CTTNBP2NL: variants seen among roughly 807,000 people sequenced by gnomAD.
The protein encoded by CTTNBP2NL is CTTNBP2 N-terminal like.
Under a neutral mutation model 32.5 loss-of-function variants are expected in CTTNBP2NL, and 16 were observed. That is an observed-to-expected ratio of 0.49 (90% CI 0.33 to 0.75). The LOEUF is 0.75. Ranked by LOEUF, CTTNBP2NL falls within the 30% of genes least tolerant of loss-of-function variation. The pLI, the probability that CTTNBP2NL is intolerant of heterozygous loss-of-function variation, is 0.02. For missense variants in CTTNBP2NL, 645 were observed against 756.0 expected, an observed-to-expected ratio of 0.85 and a Z score of 1.72; for synonymous variants, 298 against 289.4, an observed-to-expected ratio of 1.03 and a Z score of -0.30.
At chr1:112,395,369 T>C (rs1648288681), upstream of CTTNBP2NL, among the ~76,000 whole-genome samples, 1 of 152,212 alleles carries the variant, frequency 6.6e-6, no homozygotes, top group Admixed American at 6.5e-5. Context: ...CTCTGAGTTA[T>C]TTGGTCCTGC....
rs541773359 is a variant in CTTNBP2NL, at chr1:112,422,079, C to T, written c.99+5815C>T. On this transcript the variant is annotated intron_variant, in intron 3 of 5. Transcript: ENST00000271277. The stretch of plus-strand genomic sequence containing the variant: ...CCATTATCACAATCAAGATAACAAA[C>T]ATATCCATTGCTCCCCAAAATTTTT... 3.9e-5 allele frequency among the ~76,000 whole-genome samples: 6 copies of T among 152,148 alleles called. No individual in the cohort carries two copies. The South Asian group carries it at 8.3e-4, about 21-fold the overall frequency.
Position 112,456,247 on chromosome 1 carries a change from A to G in CTTNBP2NL, c.755A>G (p.Lys252Arg). The change falls in exon 6 of 6, where the codon AAA becomes AGA. Residue 252 changes from lysine to arginine, a missense_variant. Physicochemically the swap from Lys to Arg is conservative, Grantham distance 26 (BLOSUM62 2). Transcript: ENST00000271277. Reference sequence around the variant, plus strand: ...ATCGAAAGGGAACAACTGAGAGCAAAACTGAACCGAGAAGAGAACCGGACC... The same window carrying G: ...ATCGAAAGGGAACAACTGAGAGCAAGACTGAACCGAGAAGAGAACCGGACC... ...FDIEREQLRA[K>R]LNREENRTKT... The G allele has an allele frequency of 1.2e-6, 2 of 1,614,166 alleles. No individual in the cohort carries two copies. Among genetic ancestry groups the G allele is most frequent in the Non-Finnish European group, 1.7e-6 (2 of 1,180,036 alleles).
chr1:112,396,655 C>G (rs1648339803), intron 1 of CTTNBP2NL: 1 of 151,916 alleles, frequency 6.6e-6, no homozygotes, highest in African/African-American at 2.4e-5. Context: ...TCCCTCCCTA[C>G]ACCTGTCCCT....
Position 112,456,951 on chromosome 1 carries a change from T to G in CTTNBP2NL, c.1459T>G (p.Leu487Val). The change falls in exon 6 of 6, where the codon TTA becomes GTA. Residue 487 changes from leucine (L) to valine (V), a missense_variant. By Grantham distance (32) the Leu-to-Val change is conservative (BLOSUM62 1). Transcript: ENST00000271277. Reference protein sequence around the residue: ...SGLQSPPSRDLSPTLIDNSAA... With the variant: ...SGLQSPPSRDVSPTLIDNSAA... ...CCTACAGAGCCCTCCATCCAGGGAT[T>G]TATCCCCCACCCTCATAGACAACTC... 3.7e-6 allele frequency: 6 copies of G among 1,613,970 alleles called. No individual in the cohort carries two copies. Among genetic ancestry groups the G allele is most frequent in the Non-Finnish European group, 5.1e-6 (6 of 1,180,002 alleles).
At chr1:112,433,255 G>GTGT (rs1553225724) in intron 3 of CTTNBP2NL, among the ~76,000 whole-genome samples, 1 of 151,312 alleles carries the variant, frequency 6.6e-6, no homozygotes, top group African/African-American at 2.4e-5. Flanking sequence ...TTTGTGTGGG[G>GTGT]GTGTGTGTGT....
intron 4 of CTTNBP2NL, among the ~76,000 whole-genome samples, chr1:112,449,390 G>A (rs1054867239): frequency 3.3e-4 from 14 of 42,112 alleles, no homozygotes; most frequent in African/African-American, 6.5e-4. Flanking sequence ...CGTTATTTAA[G>A]ACAGCATTTC....
chr1:112,438,371 TAG>T (rs1427973214), intron 3 of CTTNBP2NL, among the ~76,000 whole-genome samples: 3 of 152,190 alleles, frequency 2.0e-5, no homozygotes, highest in African/African-American at 7.2e-5. Context: ...GTAGGAATGC[TAG>T]TGATTTTTGT....
chr1:112,436,179 T>C (rs1176976565), intron 3 of CTTNBP2NL, among the ~76,000 whole-genome samples: 1 of 152,094 alleles, frequency 6.6e-6, no homozygotes, highest in African/African-American at 2.4e-5. Context: ...AAGTGGTAAC[T>C]TTGAGTTCTT....
intron 3 of CTTNBP2NL, among the ~76,000 whole-genome samples, chr1:112,423,595 G>A (rs547780536): frequency 1.4e-4 from 21 of 152,248 alleles, no homozygotes; most frequent in African/African-American, 4.8e-4. Flanking sequence ...AGATACTTAA[G>A]TGTGTCTCAT....
Position 112,459,371 on chromosome 1 carries a change from C to T in CTTNBP2NL, c.*1959C>T, listed in dbSNP as rs1650477782. On this transcript the variant is annotated 3_prime_UTR_variant, in exon 6 of 6. Coordinates refer to ENST00000271277, the MANE Select transcript of CTTNBP2NL (RefSeq NM_018704.3). ...TGATTTTGTGTCCATACAGGAGAGG[C>T]CTTGGTGTCTTCACATACATTCTCT... is the stretch of plus-strand genomic sequence containing the variant. 1 of 152,176 alleles carries T rather than the reference C, an allele frequency of 6.6e-6. No homozygotes were observed. The highest frequency in any genetic ancestry group is 2.4e-5 in the African/African-American group (1 of 41,426). 9.4% of individuals were successfully genotyped at this position (152,176 alleles called of 1,614,324 possible). A position where few individuals can be genotyped will look rare whatever the true frequency, so the allele number is the denominator to read the frequency against.
chr1:112,456,700 C>T lies in CTTNBP2NL; in HGVS notation c.1208C>T (p.Pro403Leu). 1 of 1,614,060 alleles carries T rather than the reference C, an allele frequency of 6.2e-7. No homozygotes were observed. Among genetic ancestry groups the T allele is most frequent in the African/African-American group, 1.3e-5 (1 of 75,006 alleles). The change falls in exon 6 of 6, where the codon CCC (proline) becomes CTC (leucine). Residue 403 changes from proline to leucine, a missense_variant. Transcript: ENST00000271277. ...GGGATTGAGACTCCAGTCCCAATGC[C>T]CAGTCCCCTCTCTTCCAGTGGGAGC... is the stretch of plus-strand genomic sequence containing the variant. Reference protein sequence around the residue: ...PVGIETPVPMPSPLSSSGSSL... With the variant: ...PVGIETPVPMLSPLSSSGSSL...
At chr1:112,438,425 A>C (rs1649801787) in intron 3 of CTTNBP2NL, among the ~76,000 whole-genome samples, 1 of 152,174 alleles carries the variant, frequency 6.6e-6, no homozygotes. Context: ...GTTGTTTATC[A>C]GCTGAAGGAA....
At chr1:112,448,407 T>C (rs544987214) in intron 3 of CTTNBP2NL, among the ~76,000 whole-genome samples, 4 of 152,344 alleles carry the variant, frequency 2.6e-5, no homozygotes, top group Non-Finnish European at 5.9e-5. Context: ...GGCATTTTGT[T>C]AGGTCTCTAA....
intron 3 of CTTNBP2NL, among the ~76,000 whole-genome samples, chr1:112,424,903 A>G (rs1207636653): frequency 1.3e-5 from 2 of 151,902 alleles, no homozygotes; most frequent in Non-Finnish European, 2.9e-5. Flanking sequence ...TGCAGCCTCA[A>G]GCCCCAGGCT....
upstream of CTTNBP2NL, among the ~76,000 whole-genome samples, chr1:112,391,449 T>G (rs986101270): frequency 6.6e-6 from 1 of 152,224 alleles, no homozygotes; most frequent in Admixed American, 6.5e-5. Flanking sequence ...AGGAGCCTTA[T>G]GGAGTCCCAG....
At chr1:112,416,296 C>A in intron 3 of CTTNBP2NL, 32 bp downstream of exon 3, 1 of 1,056,838 alleles carries the variant, frequency 9.5e-7, no homozygotes. Flanking sequence ...AAGAGGTCAT[C>A]ATACATTGTG....
At chr1:112,419,098 A>G (rs541165501) in intron 3 of CTTNBP2NL, among the ~76,000 whole-genome samples, 1 of 152,298 alleles carries the variant, frequency 6.6e-6, no homozygotes, top group East Asian at 1.9e-4. Context: ...ATTCGTTTCC[A>G]TTGATGCCTC....
chr1:112,405,736 CAG>C (rs777406235), intron 1 of CTTNBP2NL, among the ~76,000 whole-genome samples: 29 of 152,092 alleles, frequency 1.9e-4, no homozygotes, highest in Non-Finnish European at 3.1e-4. Flanking sequence ...ATATGAGAGA[CAG>C]AGAAAGAGAT....
In CTTNBP2NL at chr1:112,436,571, C is replaced by T. The variant is rs148795645; in HGVS notation, c.100-12371C>T. Among the ~76,000 whole-genome samples the T allele has an allele frequency of 3.1e-3, 465 of 152,128 alleles. 1 individual carries two copies. Among genetic ancestry groups the T allele is most frequent in the African/African-American group, 0.01 (435 of 41,502 alleles). On this transcript the variant is annotated intron_variant, in intron 3 of 5. Transcript: ENST00000271277. ...CTGTGTTGCCCAGGCTGGTCTCACA[C>T]GTCTGGCCTCAAGTGATCTCCTTCA...
Sources: allele counts gnomAD v4.1 joint callset (sites outside exome capture counted in the v4.1 genomes callset), GRCh38; gene constraint gnomAD v4.1.1; transcripts MANE v1.5; gene names NCBI Gene and HGNC (gene_info 2026-07-23, HGNC 2026-07-21).